The following MTSS2 variants were observed in gnomAD, a reference collection of about 807,000 sequenced individuals.
MTSS2 encodes protein MTSS 2.
MTSS2 carries 27 observed loss-of-function variants against 67.1 expected under a neutral mutation model. The ratio of observed to expected loss-of-function variants is 0.40; its 90% confidence interval spans 0.30 to 0.55. MTSS2 has a LOEUF of 0.55. Ranked by LOEUF, MTSS2 falls within the 20% of genes least tolerant of loss-of-function variation. MTSS2 has a pLI of 0.43. For missense variants in MTSS2, 1,171 were observed against 1,067.8 expected (o/e 1.10, Z -1.35); for synonymous variants, 624 against 468.6 (o/e 1.33, Z -4.28).
At chr16:70,680,917 G>GGGGGCC (rs2142912182) in intron 2 of MTSS2, 47 bp downstream of exon 2, 1 of 1,168,250 alleles carries the variant, frequency 8.6e-7, no homozygotes, top group Non-Finnish European at 1.2e-6. Flanking sequence ...GCGGGGGGGG[G>GGGGGCC]GCCTCTGCCT....
intron 13 of MTSS2, 75 bp from the exon 14 acceptor site, chr16:70,664,838 G>C (rs748243704): frequency 2.0e-6 from 3 of 1,522,346 alleles, no homozygotes; most frequent in African/African-American, 1.4e-5. Flanking sequence ...AGCCCTGCCA[G>C]GTGGTTGGAG....
rs189943165 is a variant in MTSS2, at chr16:70,661,630, C to G, written c.*2047G>C. The stretch of plus-strand genomic sequence containing the variant: ...GCCTATGAGGTGGTTGCTAAGTCGA[C>G]GCAAGGGCGGCGGGGGTGGTCTCAG... On this transcript the variant is annotated 3_prime_UTR_variant, in exon 15 of 15. Transcript: ENST00000338779. 3.0e-6 allele frequency: 1 copy of G among 335,928 alleles called. No homozygotes were observed. The highest frequency in any genetic ancestry group is 4.3e-5 in the Admixed American group (1 of 23,306). The allele number at this position is 335,928 out of a possible 1,614,324, so 20.8% of individuals were successfully genotyped here. A position where few individuals can be genotyped will look rare whatever the true frequency, so the allele number is the denominator to read the frequency against.
In MTSS2 at chr16:70,674,515, T is replaced by C; in HGVS notation, c.844A>G (p.Ser282Gly). The C allele has an allele frequency of 1.9e-6, 3 of 1,613,278 alleles. No homozygotes were observed. Among genetic ancestry groups the C allele is most frequent in the African/African-American group, 2.7e-5 (2 of 75,026 alleles). ...GCTCCGCCACCCTTGGCACTGCTACTGCTGCTGGGGGCACTAGGGGAGTGA... is the reference window on the plus strand; with the variant it reads ...GCTCCGCCACCCTTGGCACTGCTACCGCTGCTGGGGGCACTAGGGGAGTGA... ...KSSMCSAPSS[S>G]SSAKGGGAPW... Residue 282 changes from serine (S) to glycine (G), a missense_variant, in exon 11 of 15, where the codon AGT (serine) becomes GGT (glycine). This residue lies in a region of MTSS2 where 924 missense variants were observed against 756.0 expected (regional missense o/e 1.22). Transcript: ENST00000338779.
At chr16:70,675,071 C>G (rs2053072548) in intron 10 of MTSS2, among the ~76,000 whole-genome samples, 1 of 151,856 alleles carries the variant, frequency 6.6e-6, no homozygotes, top group African/African-American at 2.4e-5. Flanking sequence ...CAAGATTATG[C>G]CACTGCACTC....
chr16:70,679,927 G>A (rs2142897627), intron 4 of MTSS2, 44 bp downstream of exon 4: 1 of 1,491,354 alleles, frequency 6.7e-7, no homozygotes, highest in Admixed American at 2.0e-5. Flanking sequence ...CCCCCGCGAC[G>A]CCCCGTCCCC....
rs1281315075 is a variant in MTSS2 at position 70,664,633 on chromosome 16, G to A, written c.1436C>T (p.Thr479Met). Reference protein sequence around the residue: ...YSSGYSTQTTTPSCSEDTIPS... With the variant: ...YSSGYSTQTTMPSCSEDTIPS... Reference sequence around the variant, plus strand: ...GATGGTGTCCTCAGAGCAGGAGGGCGTGGTGGTCTGCGTGCTGTAGCCGCT... The same window carrying A: ...GATGGTGTCCTCAGAGCAGGAGGGCATGGTGGTCTGCGTGCTGTAGCCGCT... The change falls in exon 14 of 15, where the codon ACG becomes ATG. Residue 479 changes from threonine to methionine, a missense_variant. Physicochemically the swap from Thr to Met is moderately conservative, Grantham distance 81 (BLOSUM62 -1). Transcript: ENST00000338779. 2 of 1,613,260 alleles carry A rather than the reference G, an allele frequency of 1.2e-6. No homozygotes were observed. Among genetic ancestry groups the A allele is most frequent in the Non-Finnish European group, 1.7e-6 (2 of 1,179,890 alleles).
chr16:70,663,927 T>C lies in MTSS2; in HGVS notation c.1994A>G (p.Gln665Arg). 1 of 1,553,338 alleles carries C rather than the reference T, an allele frequency of 6.4e-7. No individual in the cohort carries two copies. The highest frequency in any genetic ancestry group is 8.7e-7 in the Non-Finnish European group (1 of 1,151,414). Residue 665 changes from glutamine (Q) to arginine (R), a missense_variant, in exon 15 of 15, where the codon CAG becomes CGG. By Grantham distance (43) the Gln-to-Arg change is conservative. Coordinates refer to ENST00000338779, the MANE Select transcript of MTSS2 (RefSeq NM_138383.3). ...YPGAGAEDEQ[Q>R]QLAANRHSLV... is the part of the protein sequence containing the mutation. Reference sequence around the variant, plus strand: ...GCTGTGCCGGTTGGCCGCCAGCTGCTGCTGCTCGTCCTCGGCCCCTGCCCC... The same window carrying C: ...GCTGTGCCGGTTGGCCGCCAGCTGCCGCTGCTCGTCCTCGGCCCCTGCCCC...
intron 12 of MTSS2, 26 bp downstream of exon 12, chr16:70,665,440 C>A (rs1295605968): frequency 1.9e-6 from 3 of 1,545,418 alleles, no homozygotes; most frequent in East Asian, 4.9e-5. Flanking sequence ...TGGTGACTGT[C>A]CTGGGGCCGG....
In MTSS2 at chr16:70,674,334, G is replaced by A. The variant is rs143332356; in HGVS notation, c.1025C>T (p.Ser342Leu). ...SQDATYSKPP[S>L]PMPSDITSQK... is the part of the protein sequence containing the mutation. ...GCTGGTGATGTCTGAAGGCATAGGCGAGGGGGGCTTGGAGTAGGTGGCGTC... is the reference window on the plus strand; with the variant it reads ...GCTGGTGATGTCTGAAGGCATAGGCAAGGGGGGCTTGGAGTAGGTGGCGTC... Residue 342 changes from serine (S) to leucine (L), a missense_variant, in exon 11 of 15, where the codon TCG becomes TTG. This residue lies in a region of MTSS2 where 924 missense variants were observed against 756.0 expected (regional missense o/e 1.22). Coordinates refer to ENST00000338779, the MANE Select transcript of MTSS2 (RefSeq NM_138383.3). 104 of 1,613,842 alleles carry A rather than the reference G, an allele frequency of 6.4e-5. No individual in the cohort carries two copies. The highest frequency in any genetic ancestry group is 6.6e-5 in the Non-Finnish European group (78 of 1,180,004).
intron 11 of MTSS2, among the ~76,000 whole-genome samples, chr16:70,674,015 TA>T (rs1409029805): frequency 6.6e-6 from 1 of 152,016 alleles, no homozygotes; most frequent in Non-Finnish European, 1.5e-5. Context: ...ACAAAGGGGC[TA>T]AAAATGGCAA....
At chr16:70,681,401 C>T (rs2053301556) in intron 1 of MTSS2, among the ~76,000 whole-genome samples, 1 of 152,240 alleles carries the variant, frequency 6.6e-6, no homozygotes, top group Non-Finnish European at 1.5e-5. Flanking sequence ...CAATGAGAGG[C>T]ATCGTGTCTC....
rs545888010 is a variant in MTSS2, at chr16:70,664,427, G to A, written c.1494C>T (p.Ser498=). 28 of 1,542,466 alleles carry A rather than the reference G, an allele frequency of 1.8e-5. No individual in the cohort carries two copies. Among genetic ancestry groups the A allele is most frequent in the East Asian group, 9.0e-5 (4 of 44,270 alleles). The change falls in exon 15 of 15, where the codon TCC becomes TCT. Residue 498 remains serine (S), a synonymous_variant. Transcript: ENST00000338779. ...CCTCGCTGTCCGCATCCCCATTCAC[G>A]GAGTAGCAGTCGTAGTCGGAGCCTG... is the stretch of plus-strand genomic sequence containing the variant. The part of the protein sequence containing the change: ...PSQGSDYDCY[S]VNGDADSEGP...
At position 70,664,357 on chromosome 16, in the gene MTSS2, T is replaced by G. The variant is rs1324247493; in HGVS notation, c.1564A>C (p.Asn522His). The part of the protein sequence containing the change: ...DKSSTIPRNS[N>H]IAQNYRRLIQ... ...AGGCGGCGGTAGTTCTGGGCGATGT[T>G]GCTGTTGCGCGGGATGGTGGATGAC... Residue 522 changes from asparagine (N) to histidine (H), a missense_variant, in exon 15 of 15, where the codon AAC (asparagine) becomes CAC (histidine). By Grantham distance (68) the Asn-to-His change is moderately conservative. Transcript: ENST00000338779. The G allele has an allele frequency of 6.3e-7, 1 of 1,595,708 alleles. No homozygotes were observed. The highest frequency in any genetic ancestry group is 8.5e-7 in the Non-Finnish European group (1 of 1,173,054).
At chr16:70,678,132 G>A in intron 8 of MTSS2, 120 bp downstream of exon 8, 1 of 1,300,840 alleles carries the variant, frequency 7.7e-7, no homozygotes, top group Non-Finnish European at 1.1e-6. Context: ...TTTGGGCCAG[G>A]AGCATGTGGC....
chr16:70,683,190 A>G (rs887344686), intron 1 of MTSS2, among the ~76,000 whole-genome samples: 5 of 152,118 alleles, frequency 3.3e-5, no homozygotes, highest in Non-Finnish European at 1.5e-5. Context: ...TGGGTGAGCA[A>G]TCCAGCCTCC....
At chr16:70,664,520 C>G (rs943925282) in intron 14 of MTSS2, 71 bp from the exon 15 acceptor site, 10 of 1,571,374 alleles carry the variant, frequency 6.4e-6, no homozygotes, top group African/African-American at 5.4e-5. Context: ...AGGGTGAGCA[C>G]AGAGGGGGAA....
intron 13 of MTSS2, 67 bp from the exon 14 acceptor site, chr16:70,664,830 C>T (rs867811478): frequency 6.5e-7 from 1 of 1,528,018 alleles, no homozygotes; most frequent in Admixed American, 2.0e-5. Context: ...TTCCAGGCAG[C>T]CCTGCCAGGT....
chr16:70,680,151 C>G, intron 3 of MTSS2, 96 bp from the exon 4 acceptor site: 1 of 779,022 alleles, frequency 1.3e-6, no homozygotes, highest in Non-Finnish European at 1.7e-6. Context: ...GCAGGCGGAG[C>G]CCGCAGCCCG....
At position 70,662,045 on chromosome 16, in the gene MTSS2, G is replaced by T. The variant is rs1404161932; in HGVS notation, c.*1632C>A. 1 of 152,406 alleles carries T rather than the reference G, an allele frequency of 6.6e-6. No individual in the cohort carries two copies. The highest frequency in any genetic ancestry group is 1.5e-5 in the Non-Finnish European group (1 of 68,278). The allele number at this position is 152,406 out of a possible 1,614,324, so 9.4% of individuals were successfully genotyped here. A position where few individuals can be genotyped will look rare whatever the true frequency, so the allele number is the denominator to read the frequency against. On this transcript the variant is annotated 3_prime_UTR_variant, in exon 15 of 15. Coordinates refer to ENST00000338779, the MANE Select transcript of MTSS2 (RefSeq NM_138383.3). ...TTGAACCTAGTGACTTACTTACAGG[G>T]ACCATTCTTCATCAGCTCCCTCTGA...
Sources: gnomAD v4.1 joint callset for allele counts (sites outside exome capture counted in the v4.1 genomes callset) on GRCh38, gnomAD v4.1.1 for gene constraint, gnomAD v4.1.1 regional missense constraint, MANE v1.5 for transcripts, NCBI Gene and HGNC (gene_info 2026-07-23, HGNC 2026-07-21) for gene names.